Variants in MACROD2 observed in about 807,000 individuals in gnomAD.
MACROD2 encodes the protein ADP-ribose glycohydrolase MACROD2.
MACROD2 carries 36 observed loss-of-function variants against 70.4 expected under a neutral mutation model. The observed-to-expected ratio is 0.51, with a 90% CI of 0.39 to 0.68. The LOEUF (loss-of-function observed/expected upper bound fraction) is 0.68. Ranked by LOEUF, MACROD2 falls within the 30% of genes least tolerant of loss-of-function variation. The pLI, the probability that MACROD2 is intolerant of heterozygous loss-of-function variation, is 0.00. For missense variants in MACROD2, 496 were observed against 538.4 expected, an observed-to-expected ratio of 0.92 and a Z score of 0.78; for synonymous variants, 172 against 178.8, an observed-to-expected ratio of 0.96 and a Z score of 0.30.
At chr20:14,492,136 G>T (rs1415956374) in intron 3 of MACROD2, among the ~76,000 whole-genome samples, 1 of 152,138 alleles carries the variant, frequency 6.6e-6, no homozygotes, top group Non-Finnish European at 1.5e-5. Context: ...TTAAGTTCTG[G>T]CTACCGTCTG....
chr20:14,488,769 C>A (rs2084762393), intron 3 of MACROD2, among the ~76,000 whole-genome samples: 1 of 152,078 alleles, frequency 6.6e-6, no homozygotes, highest in Non-Finnish European at 1.5e-5. Context: ...GGGGTTGGAC[C>A]AAATAAGTGG....
intron 8 of MACROD2, among the ~76,000 whole-genome samples, chr20:15,549,304 T>C (rs935673162): frequency 6.6e-6 from 1 of 152,210 alleles, no homozygotes. Flanking sequence ...CTGCTAGAGA[T>C]TGAGGTAGAA....
At chr20:15,433,287 C>A (rs182966792) in intron 7 of MACROD2, among the ~76,000 whole-genome samples, 1 of 151,748 alleles carries the variant, frequency 6.6e-6, no homozygotes, top group Admixed American at 6.6e-5. Flanking sequence ...ATAATATGAT[C>A]ATTTACCTAG....
intron 4 of MACROD2, among the ~76,000 whole-genome samples, chr20:14,608,263 T>A (rs1982936761): frequency 1.3e-5 from 2 of 152,120 alleles, no homozygotes; most frequent in Middle Eastern, 3.4e-3. Flanking sequence ...TCTCAAAAAA[T>A]AAATAAATAA....
At chr20:14,856,724 C>T (rs1392453620) in intron 5 of MACROD2, among the ~76,000 whole-genome samples, 1 of 152,046 alleles carries the variant, frequency 6.6e-6, no homozygotes, top group Non-Finnish European at 1.5e-5. Context: ...CTAACAAGAT[C>T]CCAGGTAGTG....
intron 5 of MACROD2, among the ~76,000 whole-genome samples, chr20:14,762,623 T>C (rs204103): frequency 6.6e-6 from 1 of 151,878 alleles, no homozygotes; most frequent in Non-Finnish European, 1.5e-5. Flanking sequence ...GTGTGGAACT[T>C]GGCCTATTAA....
intron 5 of MACROD2, among the ~76,000 whole-genome samples, chr20:15,055,737 C>G (rs1412197738): frequency 6.6e-6 from 1 of 151,306 alleles, no homozygotes. Flanking sequence ...AATGCAAGGG[C>G]TACTGTCAGA....
chr20:15,383,067 C>T (rs923184393), intron 6 of MACROD2, among the ~76,000 whole-genome samples: 1 of 152,114 alleles, frequency 6.6e-6, no homozygotes, highest in Non-Finnish European at 1.5e-5. Context: ...AATGACGAAT[C>T]TGAAAATTCC....
At chr20:14,650,280 C>T (rs1985614493) in intron 4 of MACROD2, among the ~76,000 whole-genome samples, 1 of 152,126 alleles carries the variant, frequency 6.6e-6, no homozygotes, top group African/African-American at 2.4e-5. Context: ...AACACCTTGC[C>T]ATGTAAATAT....
At chr20:14,140,143 TAA>T (rs538683722) in intron 3 of MACROD2, among the ~76,000 whole-genome samples, 254 of 152,282 alleles carry the variant, frequency 1.7e-3, no homozygotes, top group African/African-American at 5.7e-3. Context: ...GATAAAATAT[TAA>T]GTTTGGTGGG....
chr20:15,446,662 G>A (rs1317259431), intron 7 of MACROD2, among the ~76,000 whole-genome samples: 2 of 152,128 alleles, frequency 1.3e-5, no homozygotes, highest in Non-Finnish European at 2.9e-5. Flanking sequence ...AGTGATCACC[G>A]GCAGCTCAGG....
chr20:15,444,529 G>A (rs1415506282), intron 7 of MACROD2, among the ~76,000 whole-genome samples: 3 of 152,124 alleles, frequency 2.0e-5, no homozygotes, highest in Non-Finnish European at 4.4e-5. Context: ...GCTGGCCTAT[G>A]CAGTGATGTA....
chr20:15,495,189 T>A (rs1248960628), intron 7 of MACROD2, among the ~76,000 whole-genome samples: 1 of 152,216 alleles, frequency 6.6e-6, no homozygotes, highest in Non-Finnish European at 1.5e-5. Context: ...GAAGGCCTTT[T>A]TCTCTTGGAA....
intron 8 of MACROD2, among the ~76,000 whole-genome samples, chr20:15,596,949 T>C (rs886385057): frequency 1.3e-5 from 2 of 152,222 alleles, no homozygotes; most frequent in African/African-American, 4.8e-5. Flanking sequence ...TGATTTTGGC[T>C]CAGGCATAAG....
intron 15 of MACROD2, among the ~76,000 whole-genome samples, chr20:15,990,231 A>T (rs2066539521): frequency 6.6e-6 from 1 of 152,186 alleles, no homozygotes; most frequent in African/African-American, 2.4e-5. Flanking sequence ...AATCCAGTCG[A>T]ATAACGTCAT....
chr20:15,171,145 A>T (rs547202759), intron 5 of MACROD2, among the ~76,000 whole-genome samples: 2 of 152,158 alleles, frequency 1.3e-5, no homozygotes, highest in South Asian at 4.1e-4. Context: ...AAATCACTTA[A>T]GTTCGAGGTT....
intron 9 of MACROD2, among the ~76,000 whole-genome samples, chr20:15,877,800 G>C (rs550138139): frequency 6.6e-6 from 1 of 152,142 alleles, no homozygotes; most frequent in Non-Finnish European, 1.5e-5. Flanking sequence ...GAAGCCTGTG[G>C]TAAGAAATTA....
At chr20:15,809,998 A>G (rs2063804105) in intron 8 of MACROD2, among the ~76,000 whole-genome samples, 1 of 147,874 alleles carries the variant, frequency 6.8e-6, no homozygotes, top group Admixed American at 6.7e-5. Context: ...ATATCTCCTA[A>G]TGCTGTCCCT....
chr20:14,302,546 A>G (rs1264334686), intron 3 of MACROD2, among the ~76,000 whole-genome samples: 1 of 152,146 alleles, frequency 6.6e-6, no homozygotes, highest in South Asian at 2.1e-4. Flanking sequence ...CTTGCTTTAC[A>G]TGAGTGATTT....
Sources: allele counts gnomAD v4.1 joint callset (sites outside exome capture counted in the v4.1 genomes callset), GRCh38; gene constraint gnomAD v4.1.1; transcripts MANE v1.5; gene names NCBI Gene and HGNC (gene_info 2026-07-23, HGNC 2026-07-21).